The following SPACA3 variants were observed in gnomAD, a reference collection of about 807,000 sequenced individuals.
The protein encoded by SPACA3 is sperm acrosome associated 3.
Under a neutral mutation model 24.5 loss-of-function variants are expected in SPACA3, and 21 were observed. That is an observed-to-expected ratio of 0.86 (90% confidence interval 0.61 to 1.24). SPACA3 has a LOEUF of 1.24. Ranked by LOEUF, SPACA3 falls within the 50% of genes most tolerant of loss-of-function variation. The pLI is 0.00. For synonymous variants in SPACA3, 115 were observed against 106.9 expected (o/e 1.08, Z -0.47); for missense variants, 278 against 275.5 (o/e 1.01, Z -0.06).
rs550736020 is a variant in SPACA3, at chr17:32,991,925, C to T, written c.-14C>T. On this transcript the variant is annotated 5_prime_UTR_variant, in exon 1 of 5. Coordinates refer to ENST00000269053, the MANE Select transcript of SPACA3 (RefSeq NM_173847.5). ...GCAGGGTTTTGAGCCACTGCTGCTG[C>T]TGCCATTGTCACCATGGTCTCAGCT... 1.2e-6 allele frequency: 2 copies of T among 1,614,016 alleles called. No homozygotes were observed. Among genetic ancestry groups the T allele is most frequent in the South Asian group, 2.2e-5 (2 of 91,074 alleles).
At chr17:32,996,082 C>T (rs2091719791) in intron 2 of SPACA3, among the ~76,000 whole-genome samples, 1 of 152,178 alleles carries the variant, frequency 6.6e-6, no homozygotes, top group African/African-American at 2.4e-5. Flanking sequence ...AAGCTGGTGG[C>T]AGTTTTAGAT....
In SPACA3 at chr17:32,991,936, ACCATGGTCTCAGCTCTG is replaced by A; in HGVS notation, c.-1_16del. The A allele has an allele frequency of 4.3e-6, 7 of 1,613,920 alleles. No homozygotes were observed. The highest frequency in any genetic ancestry group is 5.9e-6 in the Non-Finnish European group (7 of 1,179,972). On this transcript the variant is annotated start_lost and 5_prime_UTR_variant, in exon 1 of 5. Coordinates refer to ENST00000269053, the MANE Select transcript of SPACA3 (RefSeq NM_173847.5). ...AGCCACTGCTGCTGCTGCCATTGTC[ACCATGGTCTCAGCTCTG>A]CGGGGAGCACCCCTGATCAGTGAGC...
chr17:32,997,391 A>G (rs2091729437), intron 3 of SPACA3, 54 bp from the exon 4 acceptor site: 1 of 1,440,814 alleles, frequency 6.9e-7, no homozygotes, highest in Non-Finnish European at 9.8e-7. Flanking sequence ...ACACACACAC[A>G]CACACCTGGA....
chr17:32,997,556 GGTAT>G, intron 4 of SPACA3, 33 bp downstream of exon 4: 4 of 1,597,142 alleles, frequency 2.5e-6, no homozygotes, highest in Non-Finnish European at 3.4e-6. Flanking sequence ...CCGCAGCGGT[GGTAT>G]GGTTAGGACT....
chr17:32,991,987 CCTTCTTCCTGGGGCTGTTA>C lies in SPACA3; in HGVS notation c.34+16_34+34del. 1.2e-6 allele frequency: 2 copies of C among 1,613,574 alleles called. No homozygotes were observed. The highest frequency in any genetic ancestry group is 1.7e-6 in the Non-Finnish European group (2 of 1,179,908). On this transcript the variant is annotated intron_variant, in intron 1 of 4. Transcript: ENST00000269053. ...ACCCCTGATCAGTGAGCCCCCTTTCCCTTCTTCCTGGGGCTGTTAACAGGGGCGCTGGGTTGGTCTGGCC... is the reference window on the plus strand; with the variant it reads ...ACCCCTGATCAGTGAGCCCCCTTTCCACAGGGGCGCTGGGTTGGTCTGGCC...
chr17:32,997,852 G>A lies in SPACA3; in HGVS notation c.*74G>A. On this transcript the variant is annotated 3_prime_UTR_variant, in exon 5 of 5. Coordinates refer to ENST00000269053, the MANE Select transcript of SPACA3 (RefSeq NM_173847.5). ...GACCTAGGCTTGGGAAGACAAGCCA[G>A]CGAATAAAGGATGGTTGAACGTGAA... The A allele has an allele frequency of 6.8e-7, 1 of 1,469,166 alleles. No individual in the cohort carries two copies. Among genetic ancestry groups the A allele is most frequent in the Non-Finnish European group, 9.5e-7 (1 of 1,048,824 alleles). The allele number at this position is 1,469,166 out of a possible 1,614,324, so 91.0% of individuals were successfully genotyped here.
chr17:32,993,449 C>A (rs1320432147), intron 1 of SPACA3, among the ~76,000 whole-genome samples: 4 of 152,080 alleles, frequency 2.6e-5, no homozygotes, highest in Non-Finnish European at 1.5e-5. Context: ...GAAGTGAATT[C>A]CACGGAGGAT....
intron 4 of SPACA3, 62 bp downstream of exon 4, chr17:32,997,585 G>A (rs1408244267): frequency 6.4e-7 from 1 of 1,557,906 alleles, no homozygotes; most frequent in African/African-American, 1.4e-5. Flanking sequence ...GGCAGCAGCA[G>A]GGAACAAACC....
rs556846785 is a variant in SPACA3, at chr17:32,997,102, C to T, written c.502+101C>T. 16 of 1,331,390 alleles carry T rather than the reference C, an allele frequency of 1.2e-5. No homozygotes were observed. The South Asian group carries it at 1.9e-4, about 16-fold the overall frequency. The allele number at this position is 1,331,390 out of a possible 1,614,324, so 82.5% of individuals were successfully genotyped here. On this transcript the variant is annotated intron_variant, in intron 3 of 4. Transcript: ENST00000269053. ...CTACCCCCATCTCTGAGTGAGGGTT[C>T]CCCCACATCAGGCTGGGCCCACGGA...
rs138129911 is a variant in SPACA3 at position 32,992,334 on chromosome 17, C to T, written c.34+362C>T. Among the ~76,000 whole-genome samples, 18 of 152,222 alleles carry T rather than the reference C, an allele frequency of 1.2e-4. No homozygotes were observed. In the East Asian group the frequency reaches 2.7e-3, roughly 23 times the overall value. On this transcript the variant is annotated intron_variant, in intron 1 of 4. Coordinates refer to ENST00000269053, the MANE Select transcript of SPACA3 (RefSeq NM_173847.5). Reference sequence around the variant, plus strand: ...TAAGTTGGAAAAGCTCTGGGAAAGGCCTGGCACAGTGTTCAAAGACTTGAC... The same window carrying T: ...TAAGTTGGAAAAGCTCTGGGAAAGGTCTGGCACAGTGTTCAAAGACTTGAC...
intron 1 of SPACA3, chr17:32,993,060 A>T (rs932110039): frequency 3.6e-5 from 15 of 412,060 alleles, no homozygotes; most frequent in African/African-American, 2.7e-4. Context: ...TCCACAGGAC[A>T]TTGGGACTGA....
chr17:32,992,063 T>G, intron 1 of SPACA3, 91 bp downstream of exon 1: 2 of 1,446,370 alleles, frequency 1.4e-6, no homozygotes, highest in Non-Finnish European at 1.9e-6. Flanking sequence ...AAGGTGGTGG[T>G]TAGGGTGGGG....
In SPACA3 at chr17:32,995,518, C is replaced by T. The variant is rs937558009; in HGVS notation, c.144C>T (p.Thr48=). The T allele has an allele frequency of 9.3e-6, 15 of 1,614,116 alleles. No homozygotes were observed. The highest frequency in any genetic ancestry group is 8.3e-5 in the Admixed American group (5 of 60,000). ...SALSQSGGGS[T]SAAGIEARSR... ...TGAGCCAGAGTGGTGGTGGCTCCACCTCTGCCGCCGGCATAGAAGCCAGGA... is the reference window on the plus strand; with the variant it reads ...TGAGCCAGAGTGGTGGTGGCTCCACTTCTGCCGCCGGCATAGAAGCCAGGA... The change falls in exon 2 of 5, where the codon ACC becomes ACT. Residue 48 remains threonine, a synonymous_variant. Transcript: ENST00000269053.
chr17:32,993,821 G>GAGC (rs1555560957), intron 1 of SPACA3, among the ~76,000 whole-genome samples: 4 of 152,100 alleles, frequency 2.6e-5, no homozygotes, highest in Admixed American at 2.0e-4. Context: ...GGGGAAGGAG[G>GAGC]AGCAGGAGGG....
rs1169802232 is a variant in SPACA3 at position 32,997,738 on chromosome 17, G to A, written c.608G>A (p.Gly203Glu). Reference sequence around the variant, plus strand: ...GAGGCCTGGAGGCATCACTGCCAGGGAAAAGACCTCACTGAATGGGTGGAT... The same window carrying A: ...GAGGCCTGGAGGCATCACTGCCAGGAAAAAGACCTCACTGAATGGGTGGAT... The part of the protein sequence containing the change: ...YWEAWRHHCQ[G>E]KDLTEWVDGC... Residue 203 changes from glycine to glutamate, a missense_variant, in exon 5 of 5, where the codon GGA (glycine) becomes GAA (glutamate). Transcript: ENST00000269053. 4 of 1,614,204 alleles carry A rather than the reference G, an allele frequency of 2.5e-6. No individual in the cohort carries two copies. The East Asian group carries it at 8.9e-5, about 36-fold the overall frequency.
intron 1 of SPACA3, chr17:32,992,744 G>T (rs999669344): frequency 5.2e-6 from 2 of 387,942 alleles, no homozygotes; most frequent in Non-Finnish European, 1.0e-5. Flanking sequence ...GAATGTTCTA[G>T]AAAGCAAGGT....
At chr17:32,992,854 C>T (rs754180133) in intron 1 of SPACA3, 1 of 469,320 alleles carries the variant, frequency 2.1e-6, no homozygotes, top group East Asian at 7.0e-5. Context: ...GCCGTGTGGA[C>T]CTCGAAGGGG....
chr17:32,996,128 C>T (rs2091720036), intron 2 of SPACA3, among the ~76,000 whole-genome samples: 1 of 152,242 alleles, frequency 6.6e-6, no homozygotes, highest in Admixed American at 6.5e-5. Context: ...CGGGGCTCAT[C>T]TTTCTAACAG....
chr17:32,993,006 G>A (rs554019628), intron 1 of SPACA3: 3 of 468,426 alleles, frequency 6.4e-6, no homozygotes, highest in African/African-American at 6.0e-5. Context: ...CAGGATGGAG[G>A]TGTGAACCTA....
Sources: allele counts gnomAD v4.1 joint callset (sites outside exome capture counted in the v4.1 genomes callset), GRCh38; gene constraint gnomAD v4.1.1; transcripts MANE v1.5; gene names NCBI Gene and HGNC (gene_info 2026-07-23, HGNC 2026-07-21).